PTPRN2: variants seen among roughly 807,000 people sequenced by gnomAD.
PTPRN2 encodes receptor-type tyrosine-protein phosphatase N2.
Under a neutral mutation model 118.8 loss-of-function variants are expected in PTPRN2, and 74 were observed. The ratio of observed to expected loss-of-function variants is 0.62; its 90% CI spans 0.52 to 0.76. The LOEUF is 0.76. Ranked by LOEUF, PTPRN2 falls within the 30% of genes least tolerant of loss-of-function variation. The probability of loss-of-function intolerance (pLI) is 0.00; values close to 1 mark genes in which losing one functional copy is unlikely to be tolerated. For missense variants in PTPRN2, 1,481 were observed against 1,394.4 expected (o/e 1.06, Z -0.99); for synonymous variants, 641 against 608.0 (o/e 1.05, Z -0.80).
chr7:157,774,404 C>A (rs1177675681), intron 12 of PTPRN2, among the ~76,000 whole-genome samples: 1 of 152,218 alleles, frequency 6.6e-6, no homozygotes, highest in Non-Finnish European at 1.5e-5. Flanking sequence ...CCTGTCAAGC[C>A]TGGTGAATCC....
At chr7:157,642,814 CAAAAAAA>C (rs11335302) in intron 14 of PTPRN2, among the ~76,000 whole-genome samples, 17 of 24,222 alleles carry the variant, frequency 7.0e-4, no homozygotes, top group African/African-American at 1.4e-3. Context: ...CAAGAAACAG[CAAAAAAA>C]AAAAAAAAAA....
At chr7:158,313,770 G>A (rs1410243911) in intron 3 of PTPRN2, among the ~76,000 whole-genome samples, 3 of 152,196 alleles carry the variant, frequency 2.0e-5, no homozygotes, top group African/African-American at 7.2e-5. Context: ...GCCATTATTT[G>A]GTTAGATTAT....
intron 12 of PTPRN2, among the ~76,000 whole-genome samples, chr7:157,767,997 C>T (rs1326869587): frequency 1.3e-5 from 2 of 152,144 alleles, no homozygotes; most frequent in Non-Finnish European, 2.9e-5. Flanking sequence ...TTGCTGACAC[C>T]GAGCGGTAAA....
intron 6 of PTPRN2, among the ~76,000 whole-genome samples, chr7:158,146,720 CAAAA>C (rs1380414832): frequency 3.4e-5 from 3 of 88,680 alleles, no homozygotes; most frequent in Admixed American, 1.3e-4. Context: ...GACTCTGCCT[CAAAA>C]AAAAAAAAAA....
intron 3 of PTPRN2, among the ~76,000 whole-genome samples, chr7:158,257,141 G>A (rs1221057124): frequency 6.6e-6 from 1 of 152,184 alleles, no homozygotes; most frequent in Non-Finnish European, 1.5e-5. Flanking sequence ...TGCTCAAAGA[G>A]GTTTCGAGTA....
In PTPRN2 at chr7:157,784,700, G is replaced by A. The variant is rs533672647; in HGVS notation, c.1789-101763C>T. Among the ~76,000 whole-genome samples the A allele has an allele frequency of 2.7e-4, 41 of 152,038 alleles. No homozygotes were observed. The highest frequency in any genetic ancestry group is 8.9e-4 in the African/African-American group (37 of 41,482). On this transcript the variant is annotated intron_variant, in intron 12 of 22. Coordinates refer to ENST00000389418, the MANE Select transcript of PTPRN2 (RefSeq NM_002847.5). The surrounding 1 kb of genome is among the most constrained non-coding windows in gnomAD (Gnocchi z 4.6). Reference sequence around the variant, plus strand: ...GGCTGATCCCGTATGAAACGGGCAGGGGCTGAGCTGATCCCGTGGCAGTGC... The same window carrying A: ...GGCTGATCCCGTATGAAACGGGCAGAGGCTGAGCTGATCCCGTGGCAGTGC...
chr7:157,732,170 C>A (rs369446335), intron 12 of PTPRN2, among the ~76,000 whole-genome samples: 4 of 41,464 alleles, frequency 9.6e-5, no homozygotes, highest in African/African-American at 2.1e-4. Context: ...CCGTCCCATG[C>A]GCCCAGCACA....
At chr7:158,355,739 A>T (rs935996263) in intron 2 of PTPRN2, among the ~76,000 whole-genome samples, 12 of 152,218 alleles carry the variant, frequency 7.9e-5, no homozygotes, top group African/African-American at 2.9e-4. Context: ...CAACAGGGAG[A>T]ATCTGCGTGC....
intron 11 of PTPRN2, among the ~76,000 whole-genome samples, chr7:158,007,708 T>C (rs1466062055): frequency 6.6e-6 from 1 of 152,110 alleles, no homozygotes; most frequent in African/African-American, 2.4e-5. Context: ...TGTGTGTGTA[T>C]GTATCTGGGT....
intron 3 of PTPRN2, among the ~76,000 whole-genome samples, chr7:158,314,926 A>T (rs1802177527): frequency 6.7e-6 from 1 of 149,674 alleles, no homozygotes; most frequent in Admixed American, 6.6e-5. Flanking sequence ...GCCCTCAAGG[A>T]CAGAGGTGAA....
intron 5 of PTPRN2, among the ~76,000 whole-genome samples, chr7:158,188,336 T>G (rs865841776): frequency 1.2e-4 from 4 of 33,932 alleles, no homozygotes; most frequent in Non-Finnish European, 2.2e-4. Flanking sequence ...CGCCCCCTGA[T>G]GGGGAAGGCC....
intron 12 of PTPRN2, among the ~76,000 whole-genome samples, chr7:157,827,925 T>C (rs1166409906): frequency 1.3e-5 from 2 of 152,204 alleles, no homozygotes; most frequent in Admixed American, 1.3e-4. Context: ...AAGAAAATGC[T>C]TGAAGCCCCA....
chr7:158,111,388 G>C (rs555884793), intron 9 of PTPRN2, among the ~76,000 whole-genome samples: 3 of 152,310 alleles, frequency 2.0e-5, no homozygotes, highest in African/African-American at 7.2e-5. Context: ...TCAGGGCAGG[G>C]GGCGGGGGCA....
At chr7:158,179,893 A>G (rs1406434466) in intron 5 of PTPRN2, among the ~76,000 whole-genome samples, 1 of 152,200 alleles carries the variant, frequency 6.6e-6, no homozygotes, top group Non-Finnish European at 1.5e-5. Context: ...CCTTCCCTAG[A>G]TATTTCTGCA....
rs1803794919 is a variant in PTPRN2 at position 157,629,282 on chromosome 7, G to A, written c.2197-7773C>T. 6.6e-6 allele frequency among the ~76,000 whole-genome samples: 1 copy of A among 152,126 alleles called. No homozygotes were observed. Among genetic ancestry groups the A allele is most frequent in the African/African-American group, 2.4e-5 (1 of 41,416 alleles). On this transcript the variant is annotated intron_variant, in intron 14 of 22. Transcript: ENST00000389418. The surrounding 1 kb of genome is among the most constrained non-coding windows in gnomAD (Gnocchi z 4.4). Reference sequence around the variant, plus strand: ...CCCATGGGGAGGCAGAAGAAAGGCTGGAGCAGGTCAGTGCTATTTCAGCTC... The same window carrying A: ...CCCATGGGGAGGCAGAAGAAAGGCTAGAGCAGGTCAGTGCTATTTCAGCTC...
At chr7:158,153,074 G>A (rs148375038) in intron 6 of PTPRN2, among the ~76,000 whole-genome samples, 155 of 150,396 alleles carry the variant, frequency 1.0e-3, no homozygotes, top group African/African-American at 3.2e-3. Flanking sequence ...GCAGGCCACC[G>A]ACTGGGGGGA....
chr7:158,268,248 A>G (rs1203262855), intron 3 of PTPRN2, among the ~76,000 whole-genome samples: 1 of 151,644 alleles, frequency 6.6e-6, no homozygotes, highest in African/African-American at 2.4e-5. Flanking sequence ...TCCCAGCCGC[A>G]CACACACAGA....
chr7:158,367,629 A>G (rs1052112000), intron 2 of PTPRN2, among the ~76,000 whole-genome samples: 2 of 152,200 alleles, frequency 1.3e-5, no homozygotes, highest in Non-Finnish European at 2.9e-5. Flanking sequence ...AGTGAGCCTC[A>G]GCATTCTGTC....
chr7:157,981,540 G>A (rs1344198796), intron 11 of PTPRN2, among the ~76,000 whole-genome samples: 1 of 152,096 alleles, frequency 6.6e-6, no homozygotes, highest in East Asian at 1.9e-4. Flanking sequence ...TTTAAAAGGA[G>A]CTTTTCCCTT....
Sources: gnomAD v4.1 joint callset for allele counts (sites outside exome capture counted in the v4.1 genomes callset) on GRCh38, gnomAD v4.1.1 for gene constraint, Gnocchi (gnomAD v3.1) non-coding constraint, MANE v1.5 for transcripts, NCBI Gene and HGNC (gene_info 2026-07-23, HGNC 2026-07-21) for gene names.